TLN2: variants seen among roughly 807,000 people sequenced by gnomAD.
TLN2 encodes the protein talin 2, also known as talin-2.
A neutral mutation model predicts 294.7 loss-of-function variants in TLN2; 118 were observed. That is an observed-to-expected ratio of 0.40 (90% CI 0.34 to 0.47). The LOEUF (loss-of-function observed/expected upper bound fraction) is 0.47. TLN2 is among the 20% of genes least tolerant of loss of function. The pLI, the probability that TLN2 is intolerant of heterozygous loss-of-function variation, is 0.84. For synonymous variants in TLN2, 1,431 were observed against 1,304.5 expected (o/e 1.10, Z -2.09); for missense variants, 3,083 against 3,282.2 (o/e 0.94, Z 1.48).
At chr15:62,458,025 G>T (rs543868584) in intron 1 of TLN2, among the ~76,000 whole-genome samples, 2 of 152,246 alleles carry the variant, frequency 1.3e-5, no homozygotes, top group Non-Finnish European at 2.9e-5. Flanking sequence ...CGACATGATG[G>T]TCAGGTCTGG....
chr15:62,802,890 T>G (rs2066030383), intron 50 of TLN2, among the ~76,000 whole-genome samples: 1 of 152,230 alleles, frequency 6.6e-6, no homozygotes, highest in Admixed American at 6.5e-5. Flanking sequence ...GAGAAATGTC[T>G]ATTGAGACCT....
chr15:62,809,864 T>C (rs2066560103), intron 51 of TLN2, 61 bp from the exon 52 acceptor site: 1 of 1,528,562 alleles, frequency 6.5e-7, no homozygotes, highest in East Asian at 2.3e-5. Flanking sequence ...CCTCTGAGTC[T>C]GGGACTGCCC....
intron 1 of TLN2, among the ~76,000 whole-genome samples, chr15:62,538,898 G>A (rs185351046): frequency 7.9e-5 from 12 of 152,308 alleles, no homozygotes; most frequent in African/African-American, 2.9e-4. Context: ...GAGAGGGTAA[G>A]TGCTTTATTA....
At chr15:62,561,593 C>G (rs1055883830) in intron 1 of TLN2, 2 of 152,244 alleles carry the variant, frequency 1.3e-5, no homozygotes, top group African/African-American at 4.8e-5. Flanking sequence ...CTTCCAGTCA[C>G]AATTGCGAAC....
In TLN2 at chr15:62,652,132, T is replaced by C. The variant is rs1416539878; in HGVS notation, c.362T>C (p.Ile121Thr). The part of the protein sequence containing the change: ...GELLVTICSR[I>T]GITNYEEYSL... Reference sequence around the variant, plus strand: ...CTCCTGGTCACTATTTGTAGCAGAATAGGTGAGCATTCATACACCTTCATT... The same window carrying C: ...CTCCTGGTCACTATTTGTAGCAGAACAGGTGAGCATTCATACACCTTCATT... Residue 121 changes from isoleucine to threonine, a missense_variant and splice_region_variant, in exon 6 of 59, where the codon ATA becomes ACA. Transcript: ENST00000636159. 4.4e-6 allele frequency: 7 copies of C among 1,581,210 alleles called. No homozygotes were observed. Among genetic ancestry groups the C allele is most frequent in the South Asian group, 1.2e-5 (1 of 84,404 alleles).
intron 1 of TLN2, among the ~76,000 whole-genome samples, chr15:62,439,760 G>A (rs1366632753): frequency 1.3e-5 from 2 of 152,272 alleles, no homozygotes; most frequent in East Asian, 3.9e-4. Flanking sequence ...TTCCCTTTGG[G>A]TATGCATTGT....
At chr15:62,779,615 C>T (rs1325693912) in intron 43 of TLN2, among the ~76,000 whole-genome samples, 4 of 152,214 alleles carry the variant, frequency 2.6e-5, no homozygotes, top group Admixed American at 6.5e-5. Flanking sequence ...CCTTCAGCTC[C>T]AGCATCCTGG....
At chr15:62,824,865 T>C (rs2067900618) in intron 54 of TLN2, among the ~76,000 whole-genome samples, 1 of 152,202 alleles carries the variant, frequency 6.6e-6, no homozygotes, top group Non-Finnish European at 1.5e-5. Context: ...CAAAATACTT[T>C]GTGAGCACTG....
At chr15:62,474,951 T>C (rs749874700) in intron 1 of TLN2, among the ~76,000 whole-genome samples, 3 of 151,692 alleles carry the variant, frequency 2.0e-5, no homozygotes, top group Non-Finnish European at 2.9e-5. Flanking sequence ...GTTGCTGCAG[T>C]TTCAAAACAA....
At chr15:62,504,846 T>TGTGTGTGTGAGA (rs1207922838) in intron 1 of TLN2, among the ~76,000 whole-genome samples, 137 of 144,468 alleles carry the variant, frequency 9.5e-4, no homozygotes, top group African/African-American at 3.4e-3. Flanking sequence ...TGTGTGTGTG[T>TGTGTGTGTGAGA]GAGAGAGAGA....
chr15:62,507,625 A>G (rs1029861979), intron 1 of TLN2, among the ~76,000 whole-genome samples: 9 of 152,252 alleles, frequency 5.9e-5, no homozygotes, highest in African/African-American at 2.2e-4. Context: ...AGAAATGCCC[A>G]TGAGCTTGAG....
At chr15:62,590,735 G>A (rs183423787) in intron 2 of TLN2, among the ~76,000 whole-genome samples, 281 of 152,226 alleles carry the variant, frequency 1.8e-3, no homozygotes, top group Non-Finnish European at 1.8e-3. Flanking sequence ...TAGTGTGTAC[G>A]AAGCATCCTG....
intron 42 of TLN2, among the ~76,000 whole-genome samples, chr15:62,774,091 C>T (rs1033816863): frequency 2.6e-5 from 4 of 152,134 alleles, no homozygotes; most frequent in African/African-American, 9.7e-5. Flanking sequence ...CCAGCAGAAA[C>T]GCAGCCCTCT....
chr15:62,652,806 G>C (rs1186214416), intron 6 of TLN2, among the ~76,000 whole-genome samples: 2 of 152,108 alleles, frequency 1.3e-5, no homozygotes, highest in Admixed American at 1.3e-4. Context: ...TTTATGAAAG[G>C]AATTACTTAG....
At chr15:62,740,527 C>T (rs1377208214) in intron 31 of TLN2, 103 bp from the exon 32 acceptor site, 12 of 1,511,746 alleles carry the variant, frequency 7.9e-6, no homozygotes, top group Middle Eastern at 1.8e-4. Flanking sequence ...GTGATCTATA[C>T]GGATAACCTG....
rs142313787 is a variant in TLN2, at chr15:62,729,385, A to T, written c.3358+2196A>T. On this transcript the variant is annotated intron_variant, in intron 28 of 58. Coordinates refer to ENST00000636159, the MANE Select transcript of TLN2 (RefSeq NM_015059.3). The stretch of plus-strand genomic sequence containing the variant: ...GTCAATTCCTACAAAATAATAATAA[A>T]AAATACTGTTTTCTTAAGCCAGTAT... Among the ~76,000 whole-genome samples, 210 of 152,348 alleles carry T rather than the reference A, an allele frequency of 1.4e-3. 1 individual carries two copies. Among genetic ancestry groups the T allele is most frequent in the African/African-American group, 4.8e-3 (201 of 41,592 alleles).
At position 62,548,459 on chromosome 15, in the gene TLN2, C is replaced by A. The variant is rs536806628; in HGVS notation, c.-237-41228C>A. ...CATTGGCTCAATAACTGGAAAAAGA[C>A]CTACTTTTCAAGTTGCACACAGGGT... On this transcript the variant is annotated intron_variant, in intron 1 of 58. Transcript: ENST00000636159. 2.6e-5 allele frequency among the ~76,000 whole-genome samples: 4 copies of A among 152,248 alleles called. No individual in the cohort carries two copies. The South Asian group carries it at 8.3e-4, about 32-fold the overall frequency.
rs1266517830 is a variant in TLN2 at position 62,722,392 on chromosome 15, C to A, written c.3031C>A (p.Pro1011Thr). Reference sequence around the variant, plus strand: ...GGTGTCCTCTGCCAAAGCCGCAGTGCCCACCGTGAGTGACCAGGCCGCAGC... The same window carrying A: ...GGTGTCCTCTGCCAAAGCCGCAGTGACCACCGTGAGTGACCAGGCCGCAGC... ...KMVSSAKAAV[P>T]TVSDQAAAMQ... The change falls in exon 26 of 59, where the codon CCC becomes ACC. Residue 1011 changes from proline to threonine, a missense_variant. Transcript: ENST00000636159. The A allele has an allele frequency of 6.2e-7, 1 of 1,613,186 alleles. No homozygotes were observed. The highest frequency in any genetic ancestry group is 8.5e-7 in the Non-Finnish European group (1 of 1,179,428).
rs1298370982 is a variant in TLN2, at chr15:62,842,855, C to T, written c.*2245C>T. ...TGGGGAGTTTGGTTCTCAGTTATCA[C>T]CTGGTATGGTCCCAGTTTCTCATCT... is the stretch of plus-strand genomic sequence containing the variant. On this transcript the variant is annotated 3_prime_UTR_variant, in exon 59 of 59. Coordinates refer to ENST00000636159, the MANE Select transcript of TLN2 (RefSeq NM_015059.3). 6.6e-6 allele frequency: 1 copy of T among 152,158 alleles called. No individual in the cohort carries two copies. Among genetic ancestry groups the T allele is most frequent in the Non-Finnish European group, 1.5e-5 (1 of 68,056 alleles). The allele number at this position is 152,158 out of a possible 1,614,324, so 9.4% of individuals were successfully genotyped here.
Sources: gnomAD v4.1 joint callset for allele counts (sites outside exome capture counted in the v4.1 genomes callset) on GRCh38, gnomAD v4.1.1 for gene constraint, MANE v1.5 for transcripts, NCBI Gene and HGNC (gene_info 2026-07-23, HGNC 2026-07-21) for gene names.